RFC3: variants seen among roughly 807,000 people sequenced by gnomAD.
The protein encoded by RFC3 is A1 38 kDa subunit.
RFC3 carries 41 observed loss-of-function variants against 45.1 expected under a neutral mutation model. The observed-to-expected ratio is 0.91, with a 90% CI of 0.71 to 1.18. The LOEUF (loss-of-function observed/expected upper bound fraction) is 1.18. Among genes scored for constraint, RFC3 ranks in the 50% most tolerant of loss-of-function variants. The pLI, the probability that RFC3 is intolerant of heterozygous loss-of-function variation, is 0.00. For missense variants in RFC3, 423 were observed against 428.1 expected (o/e 0.99, Z 0.10); for synonymous variants, 149 against 144.0 (o/e 1.03, Z -0.25).
intron 8 of RFC3, among the ~76,000 whole-genome samples, chr13:33,845,948 T>C (rs1209270891): frequency 1.3e-5 from 2 of 152,226 alleles, no homozygotes; most frequent in East Asian, 1.9e-4. Context: ...TTGAGTGTTG[T>C]GATCTAAGTC....
chr13:33,863,896 C>T (rs1179066902), intron 8 of RFC3, among the ~76,000 whole-genome samples: 1 of 152,198 alleles, frequency 6.6e-6, no homozygotes, highest in Non-Finnish European at 1.5e-5. Flanking sequence ...TTTCTGCCCC[C>T]TCCTCTCTCT....
At position 33,836,885 on chromosome 13, in the gene RFC3, T is replaced by C. The variant is rs1164772182; in HGVS notation, c.*590T>C. ...AGGTCGGTACTAAGAAATAAGCATG[T>C]TTTCACTAATTTAAGTACTTGAGAC... On this transcript the variant is annotated 3_prime_UTR_variant, in exon 9 of 9. Transcript: ENST00000380071. The C allele has an allele frequency of 4.1e-6, 4 of 984,460 alleles. No individual in the cohort carries two copies. The highest frequency in any genetic ancestry group is 4.8e-6 in the Non-Finnish European group (4 of 829,098). 61.0% of individuals were successfully genotyped at this position (984,460 alleles called of 1,614,324 possible). A position where few individuals can be genotyped will look rare whatever the true frequency, so the allele number is the denominator to read the frequency against.
intron 5 of RFC3, 71 bp from the exon 6 acceptor site, chr13:33,830,648 A>C: frequency 7.9e-7 from 1 of 1,266,134 alleles, no homozygotes; most frequent in Non-Finnish European, 1.1e-6. Flanking sequence ...AGGGTCTAGG[A>C]GGATATCAAC....
chr13:33,957,323 T>G (rs2083028078), intron 8 of RFC3, among the ~76,000 whole-genome samples: 1 of 152,238 alleles, frequency 6.6e-6, no homozygotes, highest in Admixed American at 6.5e-5. Flanking sequence ...TTATAAAGTA[T>G]TAGTTATTCC....
At chr13:33,925,349 CATATATAGTGTACTATATACATACAT>C (rs1566030723) in intron 8 of RFC3, among the ~76,000 whole-genome samples, 12 of 50,080 alleles carry the variant, frequency 2.4e-4, no homozygotes, top group Non-Finnish European at 6.6e-4. Flanking sequence ...TATATACATA[CATATATAGTGTACTATATACATACAT>C]ATAGTGTACT....
In RFC3 at chr13:33,848,285, G is replaced by T. The variant is rs2082252924; in HGVS notation, c.879+13068G>T. On this transcript the variant is annotated intron_variant, in intron 8 of 8. Transcript: ENST00000434425. ...TTCTACAGCAGTGGGGATTATCTGG[G>T]GTTCTACCTAATTTTCTTTATTCAA... 2.0e-5 allele frequency: 3 copies of T among 151,972 alleles called. No homozygotes were observed. The South Asian group carries it at 6.2e-4, about 32-fold the overall frequency. The allele number at this position is 151,972 out of a possible 1,614,324, so 9.4% of individuals were successfully genotyped here.
At chr13:33,917,222 A>T (rs1391398836) in intron 8 of RFC3, among the ~76,000 whole-genome samples, 1 of 152,166 alleles carries the variant, frequency 6.6e-6, no homozygotes, top group Non-Finnish European at 1.5e-5. Flanking sequence ...CACAGAATAC[A>T]AGTGTAGCCC....
downstream of RFC3, among the ~76,000 whole-genome samples, chr13:33,968,743 G>A (rs575784697): frequency 1.9e-4 from 29 of 152,300 alleles, 1 homozygote; most frequent in South Asian, 5.8e-3. Flanking sequence ...TAAGCACTTT[G>A]CCAGTATATT....
intron 8 of RFC3, among the ~76,000 whole-genome samples, chr13:33,863,247 G>A (rs952631401): frequency 6.7e-6 from 1 of 148,466 alleles, no homozygotes; most frequent in Admixed American, 6.8e-5. Flanking sequence ...CACATATGCA[G>A]ATATGAATCT....
intron 8 of RFC3, among the ~76,000 whole-genome samples, chr13:33,868,290 C>T (rs1480531703): frequency 6.6e-6 from 1 of 152,086 alleles, no homozygotes. Context: ...GGCCTCACTT[C>T]CCATTACAGA....
At chr13:33,855,168 TCTTA>T (rs1472556389) in intron 8 of RFC3, among the ~76,000 whole-genome samples, 1 of 152,198 alleles carries the variant, frequency 6.6e-6, no homozygotes, top group Non-Finnish European at 1.5e-5. Flanking sequence ...TCTTGAGGCT[TCTTA>T]CTACTTTCAG....
At chr13:33,864,836 A>G (rs2082362915) in intron 8 of RFC3, among the ~76,000 whole-genome samples, 2 of 152,208 alleles carry the variant, frequency 1.3e-5, no homozygotes, top group African/African-American at 2.4e-5. Flanking sequence ...CAACTCAAAT[A>G]TGATTCCAAG....
chr13:33,874,044 C>T (rs902101465), intron 8 of RFC3, among the ~76,000 whole-genome samples: 1 of 144,578 alleles, frequency 6.9e-6, no homozygotes, highest in African/African-American at 2.4e-5. Context: ...ATTGCTCTTT[C>T]TCTGCAACAT....
chr13:33,892,995 G>A (rs1451181994), intron 8 of RFC3, among the ~76,000 whole-genome samples: 1 of 152,164 alleles, frequency 6.6e-6, no homozygotes, highest in African/African-American at 2.4e-5. Flanking sequence ...GGGAGCCTTG[G>A]CAGGAGAACT....
chr13:33,915,812 A>T (rs959487274), intron 8 of RFC3, among the ~76,000 whole-genome samples: 3 of 151,838 alleles, frequency 2.0e-5, no homozygotes, highest in African/African-American at 7.3e-5. Context: ...ATATATATAT[A>T]TTTTGAGAGA....
At chr13:33,824,608 A>C in intron 3 of RFC3, among the ~76,000 whole-genome samples, 1 of 152,078 alleles carries the variant, frequency 6.6e-6, no homozygotes. Flanking sequence ...AGAATTGAGG[A>C]TATTGTCAGT....
intron 8 of RFC3, among the ~76,000 whole-genome samples, chr13:33,955,538 T>A (rs12863106): frequency 6.6e-6 from 1 of 152,178 alleles, no homozygotes; most frequent in Non-Finnish European, 1.5e-5. Flanking sequence ...AACCTAATCC[T>A]GATCTCACTC....
At chr13:33,888,164 A>G (rs989967026) in intron 8 of RFC3, among the ~76,000 whole-genome samples, 1 of 152,198 alleles carries the variant, frequency 6.6e-6, no homozygotes, top group Non-Finnish European at 1.5e-5. Context: ...AATTCTGTGA[A>G]GAAAGTCATT....
chr13:33,901,776 A>T (rs767978080), intron 8 of RFC3, among the ~76,000 whole-genome samples: 8 of 152,102 alleles, frequency 5.3e-5, no homozygotes, highest in Non-Finnish European at 1.2e-4. Context: ...AAAGTATTAA[A>T]TTATCATATG....
Sources: gnomAD v4.1 joint callset for allele counts (sites outside exome capture counted in the v4.1 genomes callset) on GRCh38, gnomAD v4.1.1 for gene constraint, MANE v1.5 for transcripts, NCBI Gene and HGNC (gene_info 2026-07-23, HGNC 2026-07-21) for gene names.